Variants in ARSB observed in about 807,000 individuals in gnomAD.
ARSB encodes arylsulfatase B, also known as N-acetylgalactosamine-4-sulfatase.
Under a neutral mutation model 50.9 loss-of-function variants are expected in ARSB, and 41 were observed. The ratio of observed to expected loss-of-function variants is 0.81; its 90% CI spans 0.63 to 1.04. ARSB has a LOEUF of 1.04. ARSB is among the 50% of genes least tolerant of loss of function. The probability of loss-of-function intolerance (pLI) is 0.00; values close to 1 mark genes in which losing one functional copy is unlikely to be tolerated. For missense variants in ARSB, 672 were observed against 693.3 expected (o/e 0.97, Z 0.35); for synonymous variants, 269 against 284.8 (o/e 0.94, Z 0.56).
At chr5:78,884,530 G>A (rs1747915469) in intron 5 of ARSB, 1 of 149,730 alleles carries the variant, frequency 6.7e-6, no homozygotes, top group Admixed American at 6.8e-5. Context: ...ATGAAGAGAT[G>A]GCCTGAGGAA....
intron 6 of ARSB, among the ~76,000 whole-genome samples, chr5:78,796,877 C>CTTTTTT (rs1743200158): frequency 1.7e-5 from 2 of 120,746 alleles, no homozygotes; most frequent in Non-Finnish European, 3.4e-5. Context: ...TGGTCTCGAT[C>CTTTTTT]TCTTTTTTTT....
At chr5:78,781,323 C>CTCTTTT (rs1748918911) in intron 7 of ARSB, among the ~76,000 whole-genome samples, 2 of 75,352 alleles carry the variant, frequency 2.7e-5, no homozygotes, top group African/African-American at 5.9e-5. Flanking sequence ...CTCTCTCTCT[C>CTCTTTT]TTTTTTTTTT....
chr5:78,954,403 G>A lies in ARSB; in HGVS notation c.898+892C>T, dbSNP rs185827465. Among the ~76,000 whole-genome samples the A allele has an allele frequency of 1.3e-3, 195 of 152,260 alleles. 2 individuals carry two copies. The highest frequency in any genetic ancestry group is 4.2e-3 in the African/African-American group (176 of 41,558). On this transcript the variant is annotated intron_variant, in intron 4 of 7. Transcript: ENST00000264914. ...ACAGATTAGGAAACAGAATGGCATC[G>A]CCATAATGAAAATGATTTTCAAAAG...
At chr5:78,876,523 A>C (rs1747489982) in intron 5 of ARSB, among the ~76,000 whole-genome samples, 2 of 152,364 alleles carry the variant, frequency 1.3e-5, no homozygotes, top group South Asian at 2.1e-4. Context: ...GTGAGTTTTT[A>C]ATCATTGCCC....
chr5:78,802,045 C>T (rs1005724562), intron 6 of ARSB, among the ~76,000 whole-genome samples: 4 of 152,098 alleles, frequency 2.6e-5, no homozygotes, highest in Non-Finnish European at 4.4e-5. Flanking sequence ...ACACTGGTTT[C>T]CTTCAGTTCT....
At chr5:78,901,740 A>G (rs958331465) in intron 4 of ARSB, among the ~76,000 whole-genome samples, 1 of 152,252 alleles carries the variant, frequency 6.6e-6, no homozygotes, top group Non-Finnish European at 1.5e-5. Context: ...TAAAGAAGAT[A>G]CACAAAAATA....
At position 78,940,067 on chromosome 5, in the gene ARSB, G is replaced by A. The variant is rs373460118; in HGVS notation, c.898+15228C>T. Among the ~76,000 whole-genome samples, 4 of 152,140 alleles carry A rather than the reference G, an allele frequency of 2.6e-5. No individual in the cohort carries two copies. The South Asian group carries it at 8.3e-4, about 32-fold the overall frequency. On this transcript the variant is annotated intron_variant, in intron 4 of 7. Coordinates refer to ENST00000264914, the MANE Select transcript of ARSB (RefSeq NM_000046.5). ...GCATTTTTTCATGTGTCTTTTGGCT[G>A]CATAAATGTCTTCTTTTGAGAAGTG...
chr5:78,855,869 C>T (rs1581048647), intron 5 of ARSB, among the ~76,000 whole-genome samples: 1 of 152,152 alleles, frequency 6.6e-6, no homozygotes, highest in East Asian at 1.9e-4. Flanking sequence ...GTAATGGAGG[C>T]CTGGCATTTC....
In ARSB at chr5:78,823,872, G is replaced by A. The variant is rs543873856; in HGVS notation, c.1213+15484C>T. On this transcript the variant is annotated intron_variant, in intron 6 of 7. Coordinates refer to ENST00000264914, the MANE Select transcript of ARSB (RefSeq NM_000046.5). ...CAACTAGCTTAAATAGAAATGTGGG[G>A]GAAGAGATTATAAATACTTATGATA... Among the ~76,000 whole-genome samples, 5 of 152,292 alleles carry A rather than the reference G, an allele frequency of 3.3e-5. No individual in the cohort carries two copies. In the South Asian group the frequency reaches 1.0e-3, roughly 32 times the overall value.
At chr5:78,838,778 G>A (rs185722564) in intron 6 of ARSB, among the ~76,000 whole-genome samples, 1 of 152,328 alleles carries the variant, frequency 6.6e-6, no homozygotes, top group Admixed American at 6.5e-5. Context: ...AGCACTACAT[G>A]CATGCCTGCC....
chr5:78,943,683 T>C (rs900205539), intron 4 of ARSB, among the ~76,000 whole-genome samples: 4 of 152,220 alleles, frequency 2.6e-5, no homozygotes, highest in African/African-American at 7.2e-5. Flanking sequence ...GTGGGTAACC[T>C]GACCTTTCTC....
intron 4 of ARSB, among the ~76,000 whole-genome samples, chr5:78,901,176 A>C (rs961005290): frequency 3.3e-5 from 5 of 152,014 alleles, no homozygotes; most frequent in Non-Finnish European, 5.9e-5. Flanking sequence ...CAGATAATCC[A>C]GGACAATCTC....
chr5:78,791,499 C>A (rs1749233956), intron 6 of ARSB, among the ~76,000 whole-genome samples: 1 of 152,206 alleles, frequency 6.6e-6, no homozygotes, highest in African/African-American at 2.4e-5. Context: ...CCTTCATGTG[C>A]CAGCTAGTCA....
At chr5:78,792,247 T>TGC (rs1673120335) in intron 6 of ARSB, among the ~76,000 whole-genome samples, 1 of 151,664 alleles carries the variant, frequency 6.6e-6, no homozygotes, top group African/African-American at 2.4e-5. Flanking sequence ...GGTGTGACGG[T>TGC]GCATGCCTGT....
At chr5:78,842,838 ACTC>A (rs1232530707) in intron 5 of ARSB, among the ~76,000 whole-genome samples, 1 of 135,866 alleles carries the variant, frequency 7.4e-6, no homozygotes, top group East Asian at 2.1e-4. Context: ...TCCCTTCCTC[ACTC>A]CTCTGGAAAT....
chr5:78,985,579 C>T (rs538223324), upstream of ARSB: 284 of 190,750 alleles, frequency 1.5e-3, 2 homozygotes, highest in Middle Eastern at 0.011. Flanking sequence ...AAGATGTGTT[C>T]TTTAATAACG....
In ARSB at chr5:78,818,468, G is replaced by A. The variant is rs527579880; in HGVS notation, c.1213+20888C>T. On this transcript the variant is annotated intron_variant, in intron 6 of 7. Coordinates refer to ENST00000264914, the MANE Select transcript of ARSB (RefSeq NM_000046.5). ...AAAAACTCCCATTTGTAAGGTTCAG[G>A]GCTTTACCCAAACTACATGGTGCTC... is the stretch of plus-strand genomic sequence containing the variant. Among the ~76,000 whole-genome samples the A allele has an allele frequency of 2.0e-5, 3 of 152,162 alleles. No homozygotes were observed. The East Asian group carries it at 5.8e-4, about 29-fold the overall frequency.
chr5:78,803,245 C>T (rs1252728376), intron 6 of ARSB, among the ~76,000 whole-genome samples: 1 of 152,180 alleles, frequency 6.6e-6, no homozygotes, highest in Admixed American at 6.5e-5. Flanking sequence ...ACTCCAGCCT[C>T]CCGACAGACA....
intron 4 of ARSB, among the ~76,000 whole-genome samples, chr5:78,901,088 C>A (rs1343939999): frequency 6.7e-6 from 1 of 149,964 alleles, no homozygotes; most frequent in Non-Finnish European, 1.5e-5. Context: ...TGGTTGAATC[C>A]TTTTCATATC....
Sources: gnomAD v4.1 joint callset for allele counts (sites outside exome capture counted in the v4.1 genomes callset) on GRCh38, gnomAD v4.1.1 for gene constraint, MANE v1.5 for transcripts, NCBI Gene and HGNC (gene_info 2026-07-23, HGNC 2026-07-21) for gene names.